Variants in FILIP1 observed in about 807,000 individuals in gnomAD.
The protein encoded by FILIP1 is filamin-A-interacting protein 1.
In FILIP1, 61 loss-of-function variants were observed where a neutral mutation model predicts 102.1. The ratio of observed to expected loss-of-function variants is 0.60; its 90% CI spans 0.49 to 0.74. The LOEUF (loss-of-function observed/expected upper bound fraction) is 0.74, where lower values mean the gene tolerates loss of function less well. Among genes scored for constraint, FILIP1 ranks in the 30% least tolerant of loss-of-function variants. The probability of loss-of-function intolerance (pLI) is 0.00; values close to 1 mark genes in which losing one functional copy is unlikely to be tolerated. For synonymous variants in FILIP1, 491 were observed against 526.9 expected, an observed-to-expected ratio of 0.93 and a Z score of 0.93; for missense variants, 1,314 against 1,441.2, an observed-to-expected ratio of 0.91 and a Z score of 1.43.
intron 4 of FILIP1, among the ~76,000 whole-genome samples, chr6:75,316,034 A>G (rs1773433261): frequency 6.6e-6 from 1 of 152,244 alleles, no homozygotes; most frequent in Admixed American, 6.5e-5. Flanking sequence ...TTAATCAAGA[A>G]CTAGATAGCA....
At chr6:75,401,995 G>A (rs1048971142) in intron 2 of FILIP1, among the ~76,000 whole-genome samples, 3 of 152,116 alleles carry the variant, frequency 2.0e-5, no homozygotes, top group African/African-American at 7.2e-5. Context: ...CAGCCATTTA[G>A]GGGGAAATCT....
At chr6:75,343,031 G>C (rs1187244812) in intron 4 of FILIP1, among the ~76,000 whole-genome samples, 2 of 152,134 alleles carry the variant, frequency 1.3e-5, no homozygotes, top group Non-Finnish European at 2.9e-5. Flanking sequence ...CTTATTTAGA[G>C]ACAGGACTTT....
At chr6:75,414,660 C>T in intron 2 of FILIP1, 37 bp downstream of exon 2, 1 of 1,584,594 alleles carries the variant, frequency 6.3e-7, no homozygotes, top group African/African-American at 1.4e-5. Context: ...GCTTAGAAAC[C>T]AAAGACACAA....
At chr6:75,293,639 A>G (rs1772595708) in exon 7 of FILIP1, 1 of 152,184 alleles carries the variant, frequency 6.6e-6, no homozygotes, top group African/African-American at 2.4e-5. Context: ...AAAATCTTCA[A>G]ATCCAAATAT....
At chr6:75,488,597 T>C (rs1395238602) in intron 1 of FILIP1, among the ~76,000 whole-genome samples, 1 of 152,190 alleles carries the variant, frequency 6.6e-6, no homozygotes, top group East Asian at 1.9e-4. Flanking sequence ...CCTTTGTTTC[T>C]TTCTTTCCAC....
In FILIP1 at chr6:75,447,951, T is replaced by C. The variant is rs565276651; in HGVS notation, c.-6-32973A>G. Among the ~76,000 whole-genome samples the C allele has an allele frequency of 5.1e-4, 78 of 152,198 alleles. 1 individual carries two copies. In the South Asian group the frequency reaches 0.015, roughly 30 times the overall value. ...AAGGGAATTTCTTCAGGATTCTTCA[T>C]TGGCACTTTTCAAACATAAAAAAAA... On this transcript the variant is annotated intron_variant, in intron 1 of 5. Transcript: ENST00000237172.
At chr6:75,399,233 A>T (rs1008991115) in intron 2 of FILIP1, 3 of 152,232 alleles carry the variant, frequency 2.0e-5, no homozygotes, top group Non-Finnish European at 4.4e-5. Context: ...AGACCTTTGA[A>T]GGGAAACCAA....
intron 6 of FILIP1, among the ~76,000 whole-genome samples, chr6:75,297,264 T>G (rs1772707214): frequency 6.6e-6 from 1 of 152,218 alleles, no homozygotes; most frequent in South Asian, 2.1e-4. Context: ...TAAACATTAA[T>G]TAAATCGTAT....
intron 2 of FILIP1, among the ~76,000 whole-genome samples, chr6:75,376,507 G>C (rs1430238903): frequency 6.6e-6 from 1 of 152,086 alleles, no homozygotes; most frequent in African/African-American, 2.4e-5. Context: ...AGTTAGCTCT[G>C]AATTTCAGCT....
rs1047582019 is a variant in FILIP1 at position 75,312,459 on chromosome 6, C to T, written c.3373G>A (p.Val1125Met). 1 of 1,614,134 alleles carries T rather than the reference C, an allele frequency of 6.2e-7. No homozygotes were observed. The highest frequency in any genetic ancestry group is 8.5e-7 in the Non-Finnish European group (1 of 1,180,024). ...HLSSRPGASK[V>M]TSTITITPVT... ...GGTGTTATGGTGATAGTGCTCGTCA[C>T]TTTGCTTGCACCAGGCCGTGAGGAG... The change falls in exon 5 of 6, where the codon GTG becomes ATG. Residue 1125 changes from valine (V) to methionine (M), a missense_variant. Physicochemically the swap from Val to Met is conservative, Grantham distance 21 (BLOSUM62 1). Transcript: ENST00000237172.
intron 1 of FILIP1, among the ~76,000 whole-genome samples, chr6:75,446,988 T>C (rs935325235): frequency 6.6e-6 from 1 of 152,174 alleles, no homozygotes; most frequent in African/African-American, 2.4e-5. Flanking sequence ...TTGGTTAACA[T>C]TGGTGTCATA....
chr6:75,367,800 G>A (rs1356688946), intron 2 of FILIP1: 1 of 152,092 alleles, frequency 6.6e-6, no homozygotes, highest in Non-Finnish European at 1.5e-5. Context: ...ATATTTTGGG[G>A]ATAAAACAAC....
In FILIP1 at chr6:75,315,219, A is replaced by G. The variant is rs1315998063; in HGVS notation, c.630-17T>C. The G allele has an allele frequency of 2.7e-6, 4 of 1,474,094 alleles. No homozygotes were observed. In the Admixed American group the frequency reaches 7.5e-5, roughly 28 times the overall value. The allele number at this position is 1,474,094 out of a possible 1,614,324, so 91.3% of individuals were successfully genotyped here. On this transcript the variant is annotated splice_polypyrimidine_tract_variant and intron_variant, in intron 4 of 5. Transcript: ENST00000237172. Reference sequence around the variant, plus strand: ...TTTTTTAACCTAGAAAATAAAATATACCTATATGTTAAAAGAGTAATCAGC... The same window carrying G: ...TTTTTTAACCTAGAAAATAAAATATGCCTATATGTTAAAAGAGTAATCAGC...
intron 4 of FILIP1, among the ~76,000 whole-genome samples, chr6:75,350,327 G>A (rs376346137): frequency 6.6e-6 from 1 of 151,620 alleles, no homozygotes; most frequent in African/African-American, 2.4e-5. Flanking sequence ...TATCTAAAAC[G>A]TGAAAGTTTG....
chr6:75,386,216 A>G (rs909856639), intron 2 of FILIP1: 1 of 152,204 alleles, frequency 6.6e-6, no homozygotes, highest in Admixed American at 6.6e-5. Context: ...GTGCTTCATC[A>G]TCTCCAAGCA....
intron 2 of FILIP1, among the ~76,000 whole-genome samples, chr6:75,400,146 C>A (rs995267608): frequency 6.6e-6 from 1 of 152,104 alleles, no homozygotes; most frequent in South Asian, 2.1e-4. Flanking sequence ...GAGTGTTCAT[C>A]GTGACCTGTT....
At chr6:75,392,589 G>A (rs2703715) in intron 2 of FILIP1, among the ~76,000 whole-genome samples, 1 of 151,970 alleles carries the variant, frequency 6.6e-6, no homozygotes, top group Non-Finnish European at 1.5e-5. Flanking sequence ...CAACCTGCCA[G>A]CAAATACAAT....
exon 7 of FILIP1, chr6:75,294,730 T>A (rs546018854): frequency 2.0e-5 from 3 of 152,212 alleles, no homozygotes; most frequent in African/African-American, 7.2e-5. Flanking sequence ...TCTCACTCTG[T>A]CACCCAGGCT....
At chr6:75,350,239 T>A (rs1167958214) in intron 4 of FILIP1, among the ~76,000 whole-genome samples, 1 of 152,150 alleles carries the variant, frequency 6.6e-6, no homozygotes, top group Non-Finnish European at 1.5e-5. Flanking sequence ...AAAGTATAAC[T>A]GATTCCATAA....
Sources: allele counts gnomAD v4.1 joint callset (sites outside exome capture counted in the v4.1 genomes callset), GRCh38; gene constraint gnomAD v4.1.1; transcripts MANE v1.5; gene names NCBI Gene and HGNC (gene_info 2026-07-23, HGNC 2026-07-21).